SLC22A15: variants seen among roughly 807,000 people sequenced by gnomAD.
SLC22A15 encodes the protein solute carrier family 22 member 15.
SLC22A15 carries 45 observed loss-of-function variants against 62.7 expected under a neutral mutation model. The ratio of observed to expected loss-of-function variants is 0.72; its 90% CI spans 0.56 to 0.92. The LOEUF is 0.92. Ranked by LOEUF, SLC22A15 falls within the 40% of genes least tolerant of loss-of-function variation. The pLI, the probability that SLC22A15 is intolerant of heterozygous loss-of-function variation, is 0.00. For missense variants in SLC22A15, 622 were observed against 665.6 expected (o/e 0.93, Z 0.72); for synonymous variants, 264 against 267.0 (o/e 0.99, Z 0.11).
At chr1:116,037,794 C>T (rs1657672838) in intron 8 of SLC22A15, among the ~76,000 whole-genome samples, 1 of 152,148 alleles carries the variant, frequency 6.6e-6, no homozygotes, top group African/African-American at 2.4e-5. Flanking sequence ...GGCTTTGGTA[C>T]CCCTCAAATC....
At chr1:115,988,683 G>A (rs1444025859) in intron 1 of SLC22A15, among the ~76,000 whole-genome samples, 1 of 83,010 alleles carries the variant, frequency 1.2e-5, no homozygotes, top group Non-Finnish European at 2.3e-5. Context: ...ACCATGCCCA[G>A]CTAATTTTTT....
intron 2 of SLC22A15, among the ~76,000 whole-genome samples, chr1:116,009,904 A>G (rs1469823515): frequency 1.3e-5 from 2 of 152,224 alleles, no homozygotes; most frequent in Admixed American, 6.5e-5. Flanking sequence ...GATTCTACGA[A>G]ACTCTATAGT....
At chr1:116,056,438 C>T (rs1658209268) in intron 8 of SLC22A15, among the ~76,000 whole-genome samples, 1 of 150,476 alleles carries the variant, frequency 6.6e-6, no homozygotes, top group Admixed American at 6.6e-5. Flanking sequence ...ATTCCATGCT[C>T]ATGGGTAGGA....
intron 2 of SLC22A15, among the ~76,000 whole-genome samples, chr1:116,010,952 A>G (rs1656218135): frequency 6.6e-6 from 1 of 152,156 alleles, no homozygotes; most frequent in Admixed American, 6.5e-5. Context: ...ATTTTGGTTG[A>G]CCTGCTTGGA....
chr1:116,013,129 A>G (rs150958575), intron 2 of SLC22A15, among the ~76,000 whole-genome samples: 72 of 152,154 alleles, frequency 4.7e-4, no homozygotes, highest in African/African-American at 1.6e-3. Context: ...TGCATTTTCA[A>G]CTTACCATAT....
chr1:116,038,856 A>G (rs1469731949), intron 8 of SLC22A15, among the ~76,000 whole-genome samples: 5 of 152,162 alleles, frequency 3.3e-5, no homozygotes, highest in African/African-American at 4.8e-5. Flanking sequence ...CACTAGTCCT[A>G]TATACACACG....
chr1:116,058,175 C>G (rs1658273711), intron 8 of SLC22A15, among the ~76,000 whole-genome samples: 1 of 151,842 alleles, frequency 6.6e-6, no homozygotes, highest in Admixed American at 6.6e-5. Context: ...GCAGAGTAAA[C>G]AGACAACCCA....
chr1:116,029,153 G>A (rs1316756946), intron 5 of SLC22A15, among the ~76,000 whole-genome samples: 2 of 152,104 alleles, frequency 1.3e-5, no homozygotes, highest in African/African-American at 4.8e-5. Flanking sequence ...AAAAACATTT[G>A]GAATCACCTT....
At chr1:115,990,221 G>C (rs1026963683) in intron 1 of SLC22A15, among the ~76,000 whole-genome samples, 10 of 152,324 alleles carry the variant, frequency 6.6e-5, no homozygotes, top group Admixed American at 5.9e-4. Flanking sequence ...TGCAGCAGGA[G>C]AAAGTGCCTT....
chr1:116,040,662 G>T (rs1657754547), intron 8 of SLC22A15, among the ~76,000 whole-genome samples: 1 of 152,102 alleles, frequency 6.6e-6, no homozygotes, highest in African/African-American at 2.4e-5. Flanking sequence ...TGTTTCCCAG[G>T]CTGGACTGCA....
At chr1:116,001,630 C>T (rs758352211) in intron 2 of SLC22A15, among the ~76,000 whole-genome samples, 1 of 151,928 alleles carries the variant, frequency 6.6e-6, no homozygotes, top group Admixed American at 6.6e-5. Context: ...GATTCTGGTG[C>T]GTTCTTCATT....
chr1:116,027,917 G>A (rs978500593), intron 5 of SLC22A15, among the ~76,000 whole-genome samples: 4 of 152,184 alleles, frequency 2.6e-5, no homozygotes, highest in African/African-American at 7.2e-5. Context: ...GAGCCACCGC[G>A]CCTGGCAGAA....
intron 1 of SLC22A15, among the ~76,000 whole-genome samples, chr1:115,987,019 T>G (rs1654903539): frequency 6.6e-6 from 1 of 152,154 alleles, no homozygotes; most frequent in South Asian, 2.1e-4. Context: ...AGAGGAAGCT[T>G]GAATGCAGAT....
At chr1:116,000,395 C>T (rs1171137325) in intron 2 of SLC22A15, among the ~76,000 whole-genome samples, 2 of 152,082 alleles carry the variant, frequency 1.3e-5, no homozygotes, top group African/African-American at 2.4e-5. Context: ...ACTTTAGCTT[C>T]ATCCCCTTGC....
At chr1:115,997,736 A>C (rs979113035) in intron 2 of SLC22A15, among the ~76,000 whole-genome samples, 2 of 152,118 alleles carry the variant, frequency 1.3e-5, no homozygotes, top group African/African-American at 4.8e-5. Flanking sequence ...TATCATCTGC[A>C]AACAAGGGTA....
chr1:116,045,665 G>T (rs569461030), intron 8 of SLC22A15, among the ~76,000 whole-genome samples: 1 of 151,236 alleles, frequency 6.6e-6, no homozygotes, highest in Non-Finnish European at 1.5e-5. Flanking sequence ...CTTGAACCCG[G>T]GGGGTAGAGG....
At chr1:116,032,683 T>C (rs1657466298) in intron 6 of SLC22A15, 2 of 968,722 alleles carry the variant, frequency 2.1e-6, no homozygotes, top group Non-Finnish European at 2.5e-6. Context: ...AGATGCATAA[T>C]AAATGTTGAG....
intron 8 of SLC22A15, among the ~76,000 whole-genome samples, chr1:116,059,015 C>T (rs1043298512): frequency 2.0e-5 from 3 of 152,024 alleles, no homozygotes; most frequent in East Asian, 1.9e-4. Flanking sequence ...GTATACTGCT[C>T]GGGTGATGGG....
In SLC22A15 at chr1:116,029,668, C is replaced by T. The variant is rs546975465; in HGVS notation, c.729-1698C>T. On this transcript the variant is annotated intron_variant, in intron 5 of 11. Transcript: ENST00000369503. ...AGAAATAGTTTTATTAACTCAGAGC[C>T]GAATTTCTAAAGCCTTCGTGTCTCT... is the stretch of plus-strand genomic sequence containing the variant. Among the ~76,000 whole-genome samples, 95 of 152,150 alleles carry T rather than the reference C, an allele frequency of 6.2e-4. 1 individual carries two copies. The highest frequency in any genetic ancestry group is 1.1e-3 in the Non-Finnish European group (77 of 68,016).
Sources: allele counts gnomAD v4.1 joint callset (sites outside exome capture counted in the v4.1 genomes callset), GRCh38; gene constraint gnomAD v4.1.1; transcripts MANE v1.5; gene names NCBI Gene and HGNC (gene_info 2026-07-23, HGNC 2026-07-21).